Variants in ARHGAP15 observed in about 807,000 individuals in gnomAD.
ARHGAP15 encodes Rho GTPase activating protein 15, also known as rho GTPase-activating protein 15.
A neutral mutation model predicts 63.7 loss-of-function variants in ARHGAP15; 51 were observed. The ratio of observed to expected loss-of-function variants is 0.80; its 90% CI spans 0.64 to 1.01. The LOEUF (loss-of-function observed/expected upper bound fraction) is 1.01, where lower values mean the gene tolerates loss of function less well. Among genes scored for constraint, ARHGAP15 ranks in the 50% least tolerant of loss-of-function variants. The pLI, the probability that ARHGAP15 is intolerant of heterozygous loss-of-function variation, is 0.00. For missense variants in ARHGAP15, 560 were observed against 564.6 expected (o/e 0.99, Z 0.08); for synonymous variants, 191 against 193.8 (o/e 0.99, Z 0.12).
chr2:143,591,603 TTTTG>T (rs1697319941), intron 11 of ARHGAP15, among the ~76,000 whole-genome samples: 1 of 144,264 alleles, frequency 6.9e-6, no homozygotes, highest in Non-Finnish European at 1.5e-5. Flanking sequence ...AGTTGGTTTT[TTTTG>T]TTTGTTCTTT....
At chr2:143,413,428 C>A (rs1022967152) in intron 6 of ARHGAP15, among the ~76,000 whole-genome samples, 1 of 152,154 alleles carries the variant, frequency 6.6e-6, no homozygotes, top group African/African-American at 2.4e-5. Flanking sequence ...GTTTCTCAAG[C>A]CCTGTGAGGC....
At chr2:143,193,235 C>A (rs1691747789) in intron 2 of ARHGAP15, 1 of 152,670 alleles carries the variant, frequency 6.6e-6, no homozygotes. Flanking sequence ...CATTGCCTGG[C>A]ACCTACACAC....
At chr2:143,712,113 C>A (rs1684607602) in intron 13 of ARHGAP15, among the ~76,000 whole-genome samples, 1 of 152,052 alleles carries the variant, frequency 6.6e-6, no homozygotes, top group South Asian at 2.1e-4. Context: ...GTAGTCCAAG[C>A]TAGAGATCCC....
intron 3 of ARHGAP15, among the ~76,000 whole-genome samples, chr2:143,204,280 A>G (rs1188102782): frequency 6.6e-6 from 1 of 152,060 alleles, no homozygotes; most frequent in Non-Finnish European, 1.5e-5. Flanking sequence ...TTTGTTTCTT[A>G]TCTTAGTCAG....
intron 2 of ARHGAP15, among the ~76,000 whole-genome samples, chr2:143,189,055 A>G (rs1476760698): frequency 6.6e-6 from 1 of 152,184 alleles, no homozygotes; most frequent in African/African-American, 2.4e-5. Context: ...ATATCAGGAA[A>G]TGTCTTTACT....
chr2:143,254,810 T>C (rs1275016293), intron 6 of ARHGAP15, among the ~76,000 whole-genome samples: 1 of 152,048 alleles, frequency 6.6e-6, no homozygotes, highest in Non-Finnish European at 1.5e-5. Flanking sequence ...TGAATAATTG[T>C]TACTGCTAAG....
intron 12 of ARHGAP15, among the ~76,000 whole-genome samples, chr2:143,702,467 A>G (rs1294239420): frequency 6.6e-6 from 1 of 152,184 alleles, no homozygotes; most frequent in Non-Finnish European, 1.5e-5. Flanking sequence ...TGTAAGGGAA[A>G]AAGGATAACA....
intron 13 of ARHGAP15, among the ~76,000 whole-genome samples, chr2:143,749,373 C>T (rs943983403): frequency 3.9e-5 from 6 of 152,192 alleles, no homozygotes; most frequent in African/African-American, 1.2e-4. Flanking sequence ...TGGTCATGAT[C>T]ACACGAAAAC....
intron 6 of ARHGAP15, among the ~76,000 whole-genome samples, chr2:143,331,601 TAGC>T (rs1458031439): frequency 6.6e-6 from 1 of 152,196 alleles, no homozygotes; most frequent in Non-Finnish European, 1.5e-5. Flanking sequence ...AGTCAGATTT[TAGC>T]AGCAAGGATT....
At chr2:143,314,860 G>A (rs1192949725) in intron 6 of ARHGAP15, among the ~76,000 whole-genome samples, 1 of 151,380 alleles carries the variant, frequency 6.6e-6, no homozygotes, top group Non-Finnish European at 1.5e-5. Context: ...TCACTCATCT[G>A]TCCTCAGTTA....
rs1246334609 is a variant in ARHGAP15 at position 143,729,908 on chromosome 2, T to C, written c.1244+26384T>C. Reference sequence around the variant, plus strand: ...GGAAGAAGTATAAGTTTAGGGATTTTTTGTGAGGTGAGAGGGAGAAATCAT... The same window carrying C: ...GGAAGAAGTATAAGTTTAGGGATTTCTTGTGAGGTGAGAGGGAGAAATCAT... On this transcript the variant is annotated intron_variant, in intron 13 of 13. Coordinates refer to ENST00000295095, the MANE Select transcript of ARHGAP15 (RefSeq NM_018460.4). Among the ~76,000 whole-genome samples, 8 of 152,212 alleles carry C rather than the reference T, an allele frequency of 5.3e-5. No homozygotes were observed. The East Asian group carries it at 1.5e-3, about 29-fold the overall frequency.
At chr2:143,334,817 C>T (rs545509587) in intron 6 of ARHGAP15, among the ~76,000 whole-genome samples, 3 of 152,270 alleles carry the variant, frequency 2.0e-5, no homozygotes, top group East Asian at 3.9e-4. Flanking sequence ...AACAGCCAGG[C>T]GTGGTGGCTC....
intron 2 of ARHGAP15, among the ~76,000 whole-genome samples, chr2:143,178,482 T>C (rs573122407): frequency 6.0e-4 from 91 of 152,342 alleles, no homozygotes; most frequent in African/African-American, 2.2e-3. Context: ...TAAAGTGACA[T>C]ATAAATGTTC....
chr2:143,360,079 A>G (rs1175296848), intron 6 of ARHGAP15, among the ~76,000 whole-genome samples: 2 of 152,136 alleles, frequency 1.3e-5, no homozygotes, highest in African/African-American at 4.8e-5. Context: ...CAAGTTTCCT[A>G]TAAAATCACA....
intron 12 of ARHGAP15, among the ~76,000 whole-genome samples, chr2:143,664,619 G>T (rs1682047723): frequency 6.6e-6 from 1 of 151,102 alleles, no homozygotes; most frequent in African/African-American, 2.4e-5. Context: ...AAAAATTAAT[G>T]AATCCAGGAG....
At chr2:143,418,621 G>T (rs543342367) in intron 6 of ARHGAP15, among the ~76,000 whole-genome samples, 2 of 151,978 alleles carry the variant, frequency 1.3e-5, no homozygotes, top group Non-Finnish European at 2.9e-5. Flanking sequence ...TGATTTCTAA[G>T]AATTAAAATA....
chr2:143,381,364 A>T (rs1011186913), intron 6 of ARHGAP15, among the ~76,000 whole-genome samples: 9 of 152,126 alleles, frequency 5.9e-5, no homozygotes, highest in African/African-American at 1.9e-4. Flanking sequence ...CATCAATATT[A>T]AATTGTCTTA....
intron 6 of ARHGAP15, among the ~76,000 whole-genome samples, chr2:143,337,599 CCTT>C (rs1441593011): frequency 6.6e-6 from 1 of 152,096 alleles, no homozygotes; most frequent in East Asian, 1.9e-4. Flanking sequence ...CTGTACAATA[CCTT>C]CTTTTCAGGG....
intron 6 of ARHGAP15, among the ~76,000 whole-genome samples, chr2:143,297,171 AAGCCTT>A (rs966424513): frequency 6.6e-6 from 1 of 151,968 alleles, no homozygotes; most frequent in African/African-American, 2.4e-5. Context: ...TCTGACAATT[AAGCCTT>A]AGCAAGAGAG....
Sources: allele counts gnomAD v4.1 joint callset (sites outside exome capture counted in the v4.1 genomes callset), GRCh38; gene constraint gnomAD v4.1.1; transcripts MANE v1.5; gene names NCBI Gene and HGNC (gene_info 2026-07-23, HGNC 2026-07-21).